The following HMCN1 variants were observed in gnomAD, a reference collection of about 807,000 sequenced individuals.
HMCN1 encodes hemicentin-1.
HMCN1 carries 321 observed loss-of-function variants against 625.9 expected under a neutral mutation model. That is an observed-to-expected ratio of 0.51 (90% CI 0.47 to 0.56). HMCN1 has a LOEUF of 0.56. Ranked by LOEUF, HMCN1 falls within the 20% of genes least tolerant of loss-of-function variation. The probability of loss-of-function intolerance (pLI) is 0.00; values close to 1 mark genes in which losing one functional copy is unlikely to be tolerated. For missense variants in HMCN1, 6,588 were observed against 6,887.3 expected, an observed-to-expected ratio of 0.96 and a Z score of 1.54; for synonymous variants, 2,425 against 2,417.6, an observed-to-expected ratio of 1.00 and a Z score of -0.09.
intron 106 of HMCN1, among the ~76,000 whole-genome samples, 197 bp downstream of exon 106, chr1:186,188,206 A>G (rs1653476344): frequency 6.6e-6 from 1 of 152,176 alleles, no homozygotes; most frequent in South Asian, 2.1e-4. Context: ...ACTGCCACCC[A>G]AGCTCACTCT....
chr1:185,931,758 G>A (rs1667563284), intron 10 of HMCN1, among the ~76,000 whole-genome samples: 1 of 152,144 alleles, frequency 6.6e-6, no homozygotes, highest in Admixed American at 6.6e-5. Flanking sequence ...GAAGTAATTG[G>A]ATGTGGGCAG....
chr1:186,171,390 A>G lies in HMCN1; in HGVS notation c.15628A>G (p.Ile5210Val), dbSNP rs1346263270. Residue 5210 changes from isoleucine to valine, a missense_variant, in exon 101 of 107, where the codon ATA (isoleucine) becomes GTA (valine). Around this residue, in one of 3 missense-constraint regions of HMCN1, gnomAD observed 1,954 missense variants for 2,013.1 expected, o/e 0.97. Transcript: ENST00000271588. ...CTGTCACCAGCGCTGTTTCAATGCC[A>G]TAGGAAGTTTCCATTGTGGATGTGA... ...SPCHQRCFNA[I>V]GSFHCGCEPG... is the part of the protein sequence containing the mutation. The G allele has an allele frequency of 2.5e-6, 4 of 1,613,526 alleles. No homozygotes were observed. In the East Asian group the frequency reaches 8.9e-5, roughly 36 times the overall value.
chr1:185,759,922 A>C lies in HMCN1; in HGVS notation c.268+24875A>C, dbSNP rs184059692. Reference sequence around the variant, plus strand: ...AAATGATACCGAATGCACTGAATCCAGCCATTATTAATAACACCAATTGTT... The same window carrying C: ...AAATGATACCGAATGCACTGAATCCCGCCATTATTAATAACACCAATTGTT... On this transcript the variant is annotated intron_variant, in intron 1 of 106. Coordinates refer to ENST00000271588, the MANE Select transcript of HMCN1 (RefSeq NM_031935.3). Among the ~76,000 whole-genome samples the C allele has an allele frequency of 2.6e-3, 402 of 152,348 alleles. 2 individuals carry two copies. The highest frequency in any genetic ancestry group is 3.7e-3 in the Non-Finnish European group (251 of 68,022).
At chr1:186,158,099 C>T (rs1043578143) in intron 97 of HMCN1, among the ~76,000 whole-genome samples, 1 of 147,276 alleles carries the variant, frequency 6.8e-6, no homozygotes, top group Non-Finnish European at 1.5e-5. Context: ...CTCTCCAGCA[C>T]CTGTTGTTTC....
intron 57 of HMCN1, among the ~76,000 whole-genome samples, chr1:186,085,151 C>T (rs1189914142): frequency 6.6e-6 from 1 of 152,086 alleles, no homozygotes; most frequent in African/African-American, 2.4e-5. Flanking sequence ...TGCGACTTGT[C>T]GTTTTGTGTC....
Position 185,734,762 on chromosome 1 carries a change from A to AGG in HMCN1, c.-14_-13dup. ...TGCTTAGGCGCTGAGGGGGAAAAAG[A>AGG]GGGGGAAAAAAAAGAAAATGATTTC... On this transcript the variant is annotated 5_prime_UTR_variant, in exon 1 of 107. Transcript: ENST00000271588. 1 of 1,613,800 alleles carries AGG rather than the reference A, an allele frequency of 6.2e-7. No homozygotes were observed. The highest frequency in any genetic ancestry group is 8.5e-7 in the Non-Finnish European group (1 of 1,179,830).
At chr1:186,133,684 A>C (rs1019906611) in intron 86 of HMCN1, among the ~76,000 whole-genome samples, 6 of 152,194 alleles carry the variant, frequency 3.9e-5, no homozygotes, top group African/African-American at 1.4e-4. Flanking sequence ...TAATTCTGTA[A>C]GACTCGAATA....
chr1:185,810,502 G>A (rs1020018765), intron 1 of HMCN1, among the ~76,000 whole-genome samples: 2 of 152,176 alleles, frequency 1.3e-5, no homozygotes, highest in East Asian at 3.8e-4. Context: ...TGATTTGACA[G>A]TGAATACCTG....
At position 185,965,921 on chromosome 1, in the gene HMCN1, T is replaced by C; in HGVS notation, c.2212+6T>C. ...TCAAGTTAAATGGTTCAAAGGTACA[T>C]TTCTTCAATATGTTTGTGTCTGGTT... On this transcript the variant is annotated splice_donor_region_variant and intron_variant, in intron 14 of 106. Coordinates refer to ENST00000271588, the MANE Select transcript of HMCN1 (RefSeq NM_031935.3). The C allele has an allele frequency of 7.2e-7, 1 of 1,397,232 alleles. No individual in the cohort carries two copies. Among genetic ancestry groups the C allele is most frequent in the South Asian group, 1.2e-5 (1 of 86,874 alleles). The allele number at this position is 1,397,232 out of a possible 1,614,324, so 86.6% of individuals were successfully genotyped here. A position where few individuals can be genotyped will look rare whatever the true frequency, so the allele number is the denominator to read the frequency against.
intron 62 of HMCN1, among the ~76,000 whole-genome samples, 156 bp downstream of exon 62, chr1:186,088,432 C>A (rs544720503): frequency 6.6e-6 from 1 of 151,932 alleles, no homozygotes; most frequent in Admixed American, 6.6e-5. Flanking sequence ...AAAATAGACT[C>A]ATTGTAAAAT....
intron 1 of HMCN1, among the ~76,000 whole-genome samples, chr1:185,738,800 T>TA (rs1460426276): frequency 6.6e-6 from 1 of 152,192 alleles, no homozygotes; most frequent in Non-Finnish European, 1.5e-5. Context: ...AGAGTTAAAA[T>TA]AATTCAAAAA....
At chr1:186,077,765 A>C in intron 54 of HMCN1, among the ~76,000 whole-genome samples, 1 of 152,190 alleles carries the variant, frequency 6.6e-6, no homozygotes, top group East Asian at 1.9e-4. Context: ...AAATGGTGTA[A>C]ACTTCTATTA....
intron 11 of HMCN1, among the ~76,000 whole-genome samples, chr1:185,955,116 A>G (rs1649529425): frequency 6.6e-6 from 1 of 152,078 alleles, no homozygotes; most frequent in Non-Finnish European, 1.5e-5. Flanking sequence ...TCCAACTCAA[A>G]CTAAGCTATT....
At chr1:186,163,360 C>T (rs753050699) in intron 97 of HMCN1, among the ~76,000 whole-genome samples, 5 of 152,206 alleles carry the variant, frequency 3.3e-5, no homozygotes, top group East Asian at 1.9e-4. Flanking sequence ...TTGCACTTCC[C>T]GAGTGAGGCA....
intron 1 of HMCN1, among the ~76,000 whole-genome samples, chr1:185,822,292 G>A (rs1365010008): frequency 6.6e-6 from 1 of 152,114 alleles, no homozygotes; most frequent in East Asian, 1.9e-4. Context: ...GGCGGAGGTT[G>A]TGGGGCGGGG....
At chr1:185,882,124 C>T (rs1387680382) in intron 4 of HMCN1, among the ~76,000 whole-genome samples, 2 of 152,020 alleles carry the variant, frequency 1.3e-5, no homozygotes, top group Non-Finnish European at 2.9e-5. Context: ...GAGAAAATTA[C>T]ATTTATTTTT....
chr1:185,846,629 G>A (rs1470611899), intron 2 of HMCN1, among the ~76,000 whole-genome samples: 1 of 152,112 alleles, frequency 6.6e-6, no homozygotes, highest in Non-Finnish European at 1.5e-5. Flanking sequence ...TCTTCTTCTG[G>A]TGCTGAATTT....
intron 1 of HMCN1, among the ~76,000 whole-genome samples, chr1:185,794,495 A>C (rs1658227500): frequency 6.6e-6 from 1 of 150,446 alleles, no homozygotes; most frequent in African/African-American, 2.5e-5. Flanking sequence ...AAAAAAGAAA[A>C]AAAAAGAAAA....
chr1:185,836,646 C>T (rs1661187920), intron 1 of HMCN1, among the ~76,000 whole-genome samples: 1 of 151,808 alleles, frequency 6.6e-6, no homozygotes, highest in African/African-American at 2.4e-5. Context: ...TTGTTTAGAC[C>T]TTTATTTTAG....
Sources: gnomAD v4.1 joint callset for allele counts (sites outside exome capture counted in the v4.1 genomes callset) on GRCh38, gnomAD v4.1.1 for gene constraint, gnomAD v4.1.1 regional missense constraint, MANE v1.5 for transcripts, NCBI Gene and HGNC (gene_info 2026-07-23, HGNC 2026-07-21) for gene names.